Variants in ASPH observed in about 807,000 individuals in gnomAD.
ASPH encodes aspartate beta-hydroxylase, also known as aspartyl/asparaginyl beta-hydroxylase.
In ASPH, 100 loss-of-function variants were observed where a neutral mutation model predicts 118.4. The observed-to-expected ratio is 0.84, with a 90% confidence interval of 0.72 to 1.00. The LOEUF (loss-of-function observed/expected upper bound fraction) is 1.00. ASPH is among the 50% of genes least tolerant of loss of function. The pLI, the probability that ASPH is intolerant of heterozygous loss-of-function variation, is 0.00. For missense variants in ASPH, 920 were observed against 919.5 expected, an observed-to-expected ratio of 1.00 and a Z score of -0.01; for synonymous variants, 315 against 325.6, an observed-to-expected ratio of 0.97 and a Z score of 0.35.
At chr8:61,586,442 C>T (rs1839475164) in intron 14 of ASPH, among the ~76,000 whole-genome samples, 1 of 152,132 alleles carries the variant, frequency 6.6e-6, no homozygotes, top group Non-Finnish European at 1.5e-5. Flanking sequence ...GAGAATGACA[C>T]CCAATTGTCC....
intron 3 of ASPH, chr8:61,675,805 C>A: frequency 8.1e-7 from 1 of 1,238,634 alleles, no homozygotes. Flanking sequence ...GATACAGAAA[C>A]CAATTATACC....
chr8:61,679,762 A>C (rs1430668436), intron 3 of ASPH, among the ~76,000 whole-genome samples: 1 of 151,826 alleles, frequency 6.6e-6, no homozygotes, highest in East Asian at 1.9e-4. Context: ...AGTTCTACAT[A>C]ATTTTGTTTC....
chr8:61,704,180 G>T (rs1294527618), intron 1 of ASPH, among the ~76,000 whole-genome samples: 2 of 106,042 alleles, frequency 1.9e-5, no homozygotes, highest in African/African-American at 7.6e-5. Context: ...GGGCGACAGA[G>T]CGAGACTCCG....
At chr8:61,673,882 C>T (rs1006012959) in intron 3 of ASPH, among the ~76,000 whole-genome samples, 2 of 152,104 alleles carry the variant, frequency 1.3e-5, no homozygotes, top group African/African-American at 4.8e-5. Context: ...GTCAGGGGTT[C>T]GTCAGCTACC....
At chr8:61,703,703 C>G (rs1835807369) in intron 1 of ASPH, among the ~76,000 whole-genome samples, 1 of 152,118 alleles carries the variant, frequency 6.6e-6, no homozygotes. Flanking sequence ...CAAAGTTGGT[C>G]TACGGAGTCA....
intron 21 of ASPH, among the ~76,000 whole-genome samples, chr8:61,534,691 A>G (rs945000809): frequency 1.2e-4 from 19 of 152,230 alleles, no homozygotes; most frequent in Non-Finnish European, 5.9e-5. Flanking sequence ...TGTTCTAATC[A>G]ATCATAATTG....
At position 61,503,106 on chromosome 8, in the gene ASPH, T is replaced by C. The variant is rs1178106645; in HGVS notation, c.*253A>G. 1.2e-5 allele frequency: 4 copies of C among 339,774 alleles called. No homozygotes were observed. The highest frequency in any genetic ancestry group is 2.1e-5 in the Non-Finnish European group (4 of 190,448). 21.0% of individuals were successfully genotyped at this position (339,774 alleles called of 1,614,324 possible). A position where few individuals can be genotyped will look rare whatever the true frequency, so the allele number is the denominator to read the frequency against. Reference sequence around the variant, plus strand: ...GGCTGGTAAGGTAGAAGCTATCAAATGTTCACCTTAAATACTGGCAGAAGA... The same window carrying C: ...GGCTGGTAAGGTAGAAGCTATCAAACGTTCACCTTAAATACTGGCAGAAGA... On this transcript the variant is annotated 3_prime_UTR_variant, in exon 25 of 25. Coordinates refer to ENST00000379454, the MANE Select transcript of ASPH (RefSeq NM_004318.4).
intron 10 of ASPH, among the ~76,000 whole-genome samples, chr8:61,639,929 C>G (rs1395942981): frequency 6.6e-6 from 1 of 152,162 alleles, no homozygotes; most frequent in Non-Finnish European, 1.5e-5. Context: ...TGTCTCCCCC[C>G]AGCTACACCC....
At chr8:61,612,788 G>A (rs1039341346) in intron 14 of ASPH, among the ~76,000 whole-genome samples, 2 of 152,138 alleles carry the variant, frequency 1.3e-5, no homozygotes, top group African/African-American at 4.8e-5. Context: ...TGAAGAAATG[G>A]TAGCTGAAAA....
At chr8:61,624,648 A>AT (rs1852090953) in intron 13 of ASPH, 1 of 985,318 alleles carries the variant, frequency 1.0e-6, no homozygotes, top group Admixed American at 6.1e-5. Context: ...GACAAGGCTC[A>AT]TTAATTCAGA....
intron 6 of ASPH, among the ~76,000 whole-genome samples, chr8:61,645,972 G>A (rs973848380): frequency 5.3e-5 from 8 of 152,156 alleles, no homozygotes; most frequent in African/African-American, 1.9e-4. Context: ...ATTGCTTGAG[G>A]CCAGGAGTTT....
At chr8:61,686,161 G>C (rs762993136) in intron 1 of ASPH, among the ~76,000 whole-genome samples, 1 of 152,088 alleles carries the variant, frequency 6.6e-6, no homozygotes, top group African/African-American at 2.4e-5. Context: ...AATGACAAAT[G>C]GCCATCAACT....
chr8:61,540,914 G>T (rs1000114764), intron 21 of ASPH, among the ~76,000 whole-genome samples: 2 of 151,966 alleles, frequency 1.3e-5, no homozygotes, highest in African/African-American at 4.8e-5. Flanking sequence ...GCATCATGGT[G>T]AAACGCCATC....
At chr8:61,551,622 A>T (rs1324212392) in intron 20 of ASPH, among the ~76,000 whole-genome samples, 1 of 152,190 alleles carries the variant, frequency 6.6e-6, no homozygotes, top group African/African-American at 2.4e-5. Context: ...GGCTGTTTTC[A>T]TCTAAGATGT....
At chr8:61,549,183 C>G (rs974595432) in intron 20 of ASPH, among the ~76,000 whole-genome samples, 5 of 152,156 alleles carry the variant, frequency 3.3e-5, no homozygotes, top group Admixed American at 3.3e-4. Flanking sequence ...TTGTAAATCA[C>G]CAGATACACT....
intron 14 of ASPH, among the ~76,000 whole-genome samples, chr8:61,596,066 C>A (rs1286615231): frequency 6.6e-6 from 1 of 151,766 alleles, no homozygotes; most frequent in East Asian, 1.9e-4. Flanking sequence ...AGTGTGAGAA[C>A]AAGTGTGTCC....
Position 61,714,521 on chromosome 8 carries a change from T to G in ASPH, c.-150A>C. On this transcript the variant is annotated 5_prime_UTR_variant, in exon 1 of 25. Transcript: ENST00000379454. ...GCAGACCCTGTGCCTCAGCACCGCCTGCAGCACCTGGGAAGACTTCACCCG... is the reference window on the plus strand; with the variant it reads ...GCAGACCCTGTGCCTCAGCACCGCCGGCAGCACCTGGGAAGACTTCACCCG... 1.7e-6 allele frequency: 2 copies of G among 1,174,850 alleles called. No homozygotes were observed. Among genetic ancestry groups the G allele is most frequent in the South Asian group, 2.3e-5 (1 of 43,566 alleles). The allele number at this position is 1,174,850 out of a possible 1,614,324, so 72.8% of individuals were successfully genotyped here. A position where few individuals can be genotyped will look rare whatever the true frequency, so the allele number is the denominator to read the frequency against.
At chr8:61,704,019 C>A (rs1328690358) in intron 1 of ASPH, among the ~76,000 whole-genome samples, 4 of 151,340 alleles carry the variant, frequency 2.6e-5, no homozygotes, top group Admixed American at 6.6e-5. Flanking sequence ...AACGGTGAAA[C>A]CCCGTCTCTA....
chr8:61,521,666 G>A (rs780277724), intron 22 of ASPH, among the ~76,000 whole-genome samples: 5 of 152,300 alleles, frequency 3.3e-5, no homozygotes, highest in Admixed American at 6.5e-5. Flanking sequence ...CTTTGTTGTC[G>A]TTTGATTATT....
Sources: allele counts gnomAD v4.1 joint callset (sites outside exome capture counted in the v4.1 genomes callset), GRCh38; gene constraint gnomAD v4.1.1; transcripts MANE v1.5; gene names NCBI Gene and HGNC (gene_info 2026-07-23, HGNC 2026-07-21).